TENM3: variants seen among roughly 807,000 people sequenced by gnomAD.
TENM3 encodes the protein teneurin-3.
In TENM3, 63 loss-of-function variants were observed where a neutral mutation model predicts 255.1. That is an observed-to-expected ratio of 0.25 (90% CI 0.20 to 0.30). The LOEUF (loss-of-function observed/expected upper bound fraction) is 0.30. TENM3 is among the 10% of genes least tolerant of loss of function. TENM3 has a pLI of 1.00. For synonymous variants in TENM3, 1,306 were observed against 1,322.3 expected, an observed-to-expected ratio of 0.99 and a Z score of 0.27; for missense variants, 2,929 against 3,461.1, an observed-to-expected ratio of 0.85 and a Z score of 3.86.
At chr4:182,731,160 G>A (rs1760669271) in intron 16 of TENM3, 21 bp downstream of exon 16, 2 of 1,606,812 alleles carry the variant, frequency 1.2e-6, no homozygotes, top group Non-Finnish European at 8.5e-7. Flanking sequence ...CTCACAGGCA[G>A]TACTTGTAAA....
intron 11 of TENM3, among the ~76,000 whole-genome samples, chr4:182,684,510 T>C (rs1756426493): frequency 6.6e-6 from 1 of 151,956 alleles, no homozygotes; most frequent in Non-Finnish European, 1.5e-5. Context: ...TTAATATCTC[T>C]GTGCCTCTGT....
intron 26 of TENM3, among the ~76,000 whole-genome samples, chr4:182,794,975 AT>A: frequency 6.6e-6 from 1 of 150,928 alleles, no homozygotes; most frequent in African/African-American, 2.4e-5. Flanking sequence ...GATTTAAGGT[AT>A]TTTGGTTTTG....
intron 13 of TENM3, among the ~76,000 whole-genome samples, chr4:182,721,593 T>C (rs80143043): frequency 0.016 from 2,389 of 152,314 alleles, 69 homozygotes; most frequent in South Asian, 0.12. Flanking sequence ...TGTACAAATA[T>C]TTCTTTAGGA....
At chr4:182,678,422 T>C (rs938732659) in intron 7 of TENM3, among the ~76,000 whole-genome samples, 1 of 152,216 alleles carries the variant, frequency 6.6e-6, no homozygotes, top group Admixed American at 6.5e-5. Context: ...TTTAACTGTT[T>C]AGATCAAAGA....
chr4:182,359,790 C>A (rs533933887), intron 3 of TENM3, among the ~76,000 whole-genome samples: 6 of 152,000 alleles, frequency 3.9e-5, no homozygotes, highest in Admixed American at 2.6e-4. Context: ...TCTTACTTTT[C>A]TAGTTCTTTT....
the TENM3 span, among the ~76,000 whole-genome samples, chr4:181,512,159 G>A: frequency 1.3e-4 from 19 of 151,984 alleles, no homozygotes; most frequent in Admixed American, 7.9e-4. Flanking sequence ...GAAACTTCTC[G>A]CCACCCATTC....
chr4:181,916,509 T>C, the TENM3 span, among the ~76,000 whole-genome samples: 1 of 152,272 alleles, frequency 6.6e-6, no homozygotes, highest in African/African-American at 2.4e-5. Flanking sequence ...AAGGAAGCTG[T>C]TGAGACATCT....
At chr4:181,942,062 T>C in the TENM3 span, among the ~76,000 whole-genome samples, 3 of 152,146 alleles carry the variant, frequency 2.0e-5, no homozygotes, top group African/African-American at 7.2e-5. Flanking sequence ...CTTTCGGCCG[T>C]GATCTTGGTT....
the TENM3 span, among the ~76,000 whole-genome samples, chr4:182,093,806 G>C: frequency 1.3e-5 from 2 of 152,012 alleles, no homozygotes; most frequent in Non-Finnish European, 2.9e-5. Context: ...TCATCCATCC[G>C]GCACTGTAGA....
chr4:181,490,846 C>T, the TENM3 span, among the ~76,000 whole-genome samples: 45 of 152,164 alleles, frequency 3.0e-4, no homozygotes, highest in African/African-American at 1.1e-3. Context: ...GAGTCTTGTG[C>T]TATGGAGCAA....
the TENM3 span, among the ~76,000 whole-genome samples, chr4:181,705,834 C>A: frequency 6.6e-6 from 1 of 152,184 alleles, no homozygotes; most frequent in African/African-American, 2.4e-5. Flanking sequence ...GTGTGAATAG[C>A]ATGGACCTAT....
intron 3 of TENM3, among the ~76,000 whole-genome samples, chr4:182,386,304 A>C (rs1451184758): frequency 1.3e-5 from 2 of 152,238 alleles, no homozygotes; most frequent in Non-Finnish European, 2.9e-5. Context: ...TTAACACAGA[A>C]GGGACAAGAA....
the TENM3 span, among the ~76,000 whole-genome samples, chr4:181,758,493 C>A: frequency 6.6e-6 from 1 of 152,162 alleles, no homozygotes; most frequent in Admixed American, 6.6e-5. Flanking sequence ...TTCCACAGAG[C>A]AGCATTTGCA....
intron 22 of TENM3, among the ~76,000 whole-genome samples, chr4:182,764,288 T>C (rs1195424682): frequency 6.6e-6 from 1 of 152,246 alleles, no homozygotes; most frequent in African/African-American, 2.4e-5. Context: ...ATGTGCTCAT[T>C]CATTCAGTAA....
intron 3 of TENM3, among the ~76,000 whole-genome samples, chr4:182,395,325 T>A (rs1768734047): frequency 6.6e-6 from 1 of 152,158 alleles, no homozygotes; most frequent in African/African-American, 2.4e-5. Context: ...AACCAGTGTT[T>A]ATGACCACAA....
chr4:182,538,153 G>A (rs572017121), intron 3 of TENM3, among the ~76,000 whole-genome samples: 1 of 152,090 alleles, frequency 6.6e-6, no homozygotes, highest in Non-Finnish European at 1.5e-5. Flanking sequence ...TCAGGCATCC[G>A]CACGTCTCTT....
the TENM3 span, among the ~76,000 whole-genome samples, chr4:181,653,812 G>GT: frequency 6.6e-6 from 1 of 151,314 alleles, no homozygotes; most frequent in Non-Finnish European, 1.5e-5. Flanking sequence ...CATAATCTAG[G>GT]TTTTAAGCCC....
At chr4:181,938,442 G>T in the TENM3 span, among the ~76,000 whole-genome samples, 1 of 152,262 alleles carries the variant, frequency 6.6e-6, no homozygotes, top group South Asian at 2.1e-4. Flanking sequence ...GGGGATCAGA[G>T]ATAATACACA....
chr4:181,891,841 G>T, the TENM3 span, among the ~76,000 whole-genome samples: 1 of 152,090 alleles, frequency 6.6e-6, no homozygotes, highest in Non-Finnish European at 1.5e-5. Context: ...AAATTCAAGT[G>T]TGGCCAGTGT....
Sources: gnomAD v4.1 joint callset for allele counts (sites outside exome capture counted in the v4.1 genomes callset) on GRCh38, gnomAD v4.1.1 for gene constraint, MANE v1.5 for transcripts, NCBI Gene and HGNC (gene_info 2026-07-23, HGNC 2026-07-21) for gene names.